The following MMP26 variants were observed in gnomAD, a reference collection of about 807,000 sequenced individuals.
The protein encoded by MMP26 is matrix metallopeptidase 26.
Under a neutral mutation model 31.0 loss-of-function variants are expected in MMP26, and 33 were observed. The ratio of observed to expected loss-of-function variants is 1.06; its 90% CI spans 0.81 to 1.42. The LOEUF (loss-of-function observed/expected upper bound fraction) is 1.42, where lower values mean the gene tolerates loss of function less well. Among genes scored for constraint, MMP26 ranks in the 40% most tolerant of loss-of-function variants. The pLI, the probability that MMP26 is intolerant of heterozygous loss-of-function variation, is 0.00. For synonymous variants in MMP26, 122 were observed against 114.9 expected, an observed-to-expected ratio of 1.06 and a Z score of -0.40; for missense variants, 347 against 316.1, an observed-to-expected ratio of 1.10 and a Z score of -0.74.
chr11:4,920,167 C>A (rs1851162097), intron 2 of MMP26, among the ~76,000 whole-genome samples: 2 of 152,054 alleles, frequency 1.3e-5, no homozygotes, highest in African/African-American at 4.8e-5. Context: ...CTTTATGGGA[C>A]CTTTTTATAA....
At chr11:4,921,657 A>G (rs1350346337) in intron 2 of MMP26, among the ~76,000 whole-genome samples, 1 of 152,200 alleles carries the variant, frequency 6.6e-6, no homozygotes, top group Admixed American at 6.5e-5. Context: ...TATTTGTATG[A>G]ATCTACATAT....
chr11:4,742,977 C>G (rs1181950229), intron 1 of MMP26, among the ~76,000 whole-genome samples: 2 of 152,072 alleles, frequency 1.3e-5, no homozygotes, highest in Non-Finnish European at 2.9e-5. Flanking sequence ...ATTGAAAAAG[C>G]TGGATTTTAA....
intron 2 of MMP26, chr11:4,945,237 A>T (rs535329840): frequency 6.6e-6 from 1 of 152,280 alleles, no homozygotes; most frequent in South Asian, 2.1e-4. Context: ...ATTAAGCCAA[A>T]ATTTAAAGAA....
chr11:4,848,856 A>T, intron 2 of MMP26: 1 of 1,614,242 alleles, frequency 6.2e-7, no homozygotes, highest in Non-Finnish European at 8.5e-7. Context: ...AGAGGACTCC[A>T]TGACAGAAAA....
At position 4,810,598 on chromosome 11, in the gene MMP26, A is replaced by T. The variant is rs528574452; in HGVS notation, c.-145+43257A>T. The stretch of plus-strand genomic sequence containing the variant: ...TGTATATACAAGGAGTGTGGGGTTA[A>T]TGAGGATGTTGAGCATCGATTAGAG... On this transcript the variant is annotated intron_variant, in intron 2 of 7. Transcript: ENST00000380390. Among the ~76,000 whole-genome samples, 4 of 152,326 alleles carry T rather than the reference A, an allele frequency of 2.6e-5. No individual in the cohort carries two copies. The South Asian group carries it at 8.3e-4, about 32-fold the overall frequency.
At chr11:4,934,487 A>G (rs1449620629) in intron 2 of MMP26, among the ~76,000 whole-genome samples, 5 of 129,860 alleles carry the variant, frequency 3.9e-5, no homozygotes, top group Non-Finnish European at 8.2e-5. Flanking sequence ...CCTTTGTCAG[A>G]TGAGTAGGTT....
intron 1 of MMP26, chr11:4,753,003 T>C (rs1281977757): frequency 3.3e-5 from 5 of 152,156 alleles, no homozygotes; most frequent in African/African-American, 1.2e-4. Flanking sequence ...CAGAATTCTC[T>C]TGTAGGATCT....
chr11:4,943,026 C>T (rs1489322654), intron 2 of MMP26: 1 of 153,374 alleles, frequency 6.5e-6, no homozygotes, highest in Non-Finnish European at 1.5e-5. Context: ...CATGTAACTC[C>T]TATATCATAC....
chr11:4,884,956 C>T (rs2133542547), intron 2 of MMP26, among the ~76,000 whole-genome samples: 1 of 152,034 alleles, frequency 6.6e-6, no homozygotes, highest in East Asian at 1.9e-4. Context: ...AATTGAATTC[C>T]AGAGGTTTTA....
At chr11:4,986,526 T>C in intron 2 of MMP26, among the ~76,000 whole-genome samples, 1 of 117,242 alleles carries the variant, frequency 8.5e-6, no homozygotes, top group South Asian at 3.0e-4. Flanking sequence ...TTTTTTTTTT[T>C]TTTTTTTTTT....
chr11:4,803,389 A>G, intron 2 of MMP26: 1 of 1,242,024 alleles, frequency 8.1e-7, no homozygotes, highest in Non-Finnish European at 1.1e-6. Context: ...ATGTCCCCAC[A>G]TTAGTGGGGC....
chr11:4,962,467 G>A (rs1846533495), intron 2 of MMP26, among the ~76,000 whole-genome samples: 1 of 152,124 alleles, frequency 6.6e-6, no homozygotes, highest in African/African-American at 2.4e-5. Flanking sequence ...TGCTGGGTTA[G>A]GACAGATGAT....
intron 2 of MMP26, chr11:4,907,386 A>C (rs1441018511): frequency 6.2e-7 from 1 of 1,612,276 alleles, no homozygotes; most frequent in Non-Finnish European, 8.5e-7. Flanking sequence ...GTTCTCAATA[A>C]CTCCGAAGTC....
At chr11:4,940,692 A>C (rs1846194398) in intron 2 of MMP26, among the ~76,000 whole-genome samples, 1 of 152,312 alleles carries the variant, frequency 6.6e-6, no homozygotes, top group South Asian at 2.1e-4. Flanking sequence ...ACGTTGACTC[A>C]AGGGACACAA....
At chr11:4,939,581 A>G (rs1846180138) in intron 2 of MMP26, among the ~76,000 whole-genome samples, 1 of 152,120 alleles carries the variant, frequency 6.6e-6, no homozygotes, top group South Asian at 2.1e-4. Flanking sequence ...AATTTTCCTC[A>G]TTTTTAATTA....
intron 2 of MMP26, chr11:4,876,310 G>C (rs1213692484): frequency 6.6e-6 from 1 of 152,118 alleles, no homozygotes; most frequent in East Asian, 1.9e-4. Flanking sequence ...ATGTTAACTG[G>C]AGGTTTTTTG....
intron 2 of MMP26, chr11:4,907,762 A>G: frequency 6.2e-7 from 1 of 1,614,060 alleles, no homozygotes. Flanking sequence ...ATCCCTTAAG[A>G]TACAGTTCTA....
At chr11:4,745,722 G>C (rs757103591) in intron 1 of MMP26, among the ~76,000 whole-genome samples, 3 of 152,144 alleles carry the variant, frequency 2.0e-5, no homozygotes, top group Non-Finnish European at 2.9e-5. Context: ...ATGCAGAATA[G>C]TTCCATTGCC....
At chr11:4,740,681 C>CAAAAA (rs761691284) in intron 1 of MMP26, among the ~76,000 whole-genome samples, 5 of 90,404 alleles carry the variant, frequency 5.5e-5, no homozygotes, top group Non-Finnish European at 7.5e-5. Flanking sequence ...GAGACTCTGT[C>CAAAAA]AAAAAAAAAA....
Sources: allele counts gnomAD v4.1 joint callset (sites outside exome capture counted in the v4.1 genomes callset), GRCh38; gene constraint gnomAD v4.1.1; transcripts MANE v1.5; gene names NCBI Gene and HGNC (gene_info 2026-07-23, HGNC 2026-07-21).